The following CFAP36 variants were observed in gnomAD, a reference collection of about 807,000 sequenced individuals.
The protein encoded by CFAP36 is cilia- and flagella-associated protein 36.
In CFAP36, 37 loss-of-function variants were observed where a neutral mutation model predicts 50.5. The ratio of observed to expected loss-of-function variants is 0.73; its 90% confidence interval spans 0.56 to 0.96. CFAP36 has a LOEUF of 0.96. Ranked by LOEUF, CFAP36 falls within the 50% of genes least tolerant of loss-of-function variation. CFAP36 has a pLI of 0.00. For synonymous variants in CFAP36, 138 were observed against 128.2 expected, an observed-to-expected ratio of 1.08 and a Z score of -0.52; for missense variants, 407 against 396.2, an observed-to-expected ratio of 1.03 and a Z score of -0.23.
intron 4 of CFAP36, among the ~76,000 whole-genome samples, chr2:55,530,385 T>C (rs941287710): frequency 1.3e-5 from 2 of 152,174 alleles, no homozygotes; most frequent in Non-Finnish European, 2.9e-5. Context: ...AGCATGAAAA[T>C]GGACTAACAC....
At chr2:55,533,237 T>G (rs574502526) in intron 4 of CFAP36, among the ~76,000 whole-genome samples, 107 of 152,370 alleles carry the variant, frequency 7.0e-4, no homozygotes, top group Middle Eastern at 3.4e-3. Context: ...TTCCGTAGTA[T>G]ATTCTTAGAC....
intron 1 of CFAP36, 47 bp from the exon 2 acceptor site, chr2:55,522,055 A>G (rs776731978): frequency 2.1e-6 from 2 of 972,228 alleles, no homozygotes; most frequent in South Asian, 3.1e-5. Flanking sequence ...TTGCATTAAT[A>G]AAATGATTTG....
At chr2:55,536,607 C>T (rs958588612) in intron 6 of CFAP36, among the ~76,000 whole-genome samples, 3 of 151,902 alleles carry the variant, frequency 2.0e-5, no homozygotes, top group Non-Finnish European at 2.9e-5. Context: ...TGTACCACCA[C>T]GCCCAGCTAA....
At chr2:55,537,103 G>A (rs956985840) in intron 6 of CFAP36, among the ~76,000 whole-genome samples, 2 of 152,150 alleles carry the variant, frequency 1.3e-5, no homozygotes, top group Admixed American at 6.5e-5. Context: ...GAGGCCAGAC[G>A]TGGTGGCTCA....
In CFAP36 at chr2:55,519,779, C is replaced by A. The variant is rs574366687; in HGVS notation, c.-23C>A. ...TCCGGCGGTCTGGCCTAGGGATCTT[C>A]CCCGTTGCCCCTTTGGGGCGGGATG... On this transcript the variant is annotated 5_prime_UTR_variant, in exon 1 of 10. Transcript: ENST00000349456. 1.5e-5 allele frequency: 24 copies of A among 1,613,258 alleles called. No individual in the cohort carries two copies. Among genetic ancestry groups the A allele is most frequent in the Non-Finnish European group, 2.0e-5 (23 of 1,179,292 alleles).
At chr2:55,520,737 A>G (rs910351011) in intron 1 of CFAP36, among the ~76,000 whole-genome samples, 4 of 152,166 alleles carry the variant, frequency 2.6e-5, no homozygotes, top group Non-Finnish European at 4.4e-5. Flanking sequence ...ATCGGGCAAG[A>G]CTTTGAGGGT....
intron 4 of CFAP36, 112 bp downstream of exon 4, chr2:55,529,104 G>T: frequency 1.3e-6 from 1 of 752,218 alleles, no homozygotes; most frequent in East Asian, 2.8e-5. Context: ...TTTCAAGTTT[G>T]AAAGACTTCA....
chr2:55,538,679 G>C, intron 7 of CFAP36: 1 of 1,140,806 alleles, frequency 8.8e-7, no homozygotes, highest in Non-Finnish European at 1.2e-6. Context: ...CTGGCCTCAA[G>C]TGATCCTCCT....
chr2:55,538,314 G>A (rs1232935050), intron 7 of CFAP36, among the ~76,000 whole-genome samples: 2 of 118,922 alleles, frequency 1.7e-5, no homozygotes, highest in Non-Finnish European at 3.5e-5. Flanking sequence ...TTTTTTTTGA[G>A]TCAGAGTTTT....
In CFAP36 at chr2:55,524,422, A is replaced by ATTTT. The variant is rs57908457; in HGVS notation, c.282+622_282+625dup. On this transcript the variant is annotated intron_variant, in intron 3 of 9. Coordinates refer to ENST00000349456, the MANE Select transcript of CFAP36 (RefSeq NM_080667.7). Reference sequence around the variant, plus strand: ...GGTGCCGCACCAGCACACATGGCTAATTTTTTTTTTTTTTTTTTTTTTTTT... The same window carrying ATTTT: ...GGTGCCGCACCAGCACACATGGCTAATTTTTTTTTTTTTTTTTTTTTTTTTTTTT... 2.1e-3 allele frequency among the ~76,000 whole-genome samples: 206 copies of ATTTT among 99,362 alleles called. 2 individuals carry two copies. Among genetic ancestry groups the ATTTT allele is most frequent in the East Asian group, 5.0e-3 (18 of 3,628 alleles). 65.2% of individuals were successfully genotyped at this position (99,362 alleles called of 152,430 possible). A position where few individuals can be genotyped will look rare whatever the true frequency, so the allele number is the denominator to read the frequency against.
intron 1 of CFAP36, chr2:55,520,313 C>G (rs1440074419): frequency 9.9e-6 from 11 of 1,105,870 alleles, no homozygotes; most frequent in Non-Finnish European, 1.4e-5. Flanking sequence ...AGAGGAGAAG[C>G]GTCGGTTTAC....
chr2:55,538,795 G>A (rs1224991734), intron 7 of CFAP36: 8 of 1,544,728 alleles, frequency 5.2e-6, no homozygotes, highest in Admixed American at 2.0e-5. Flanking sequence ...ACTTGTCCAA[G>A]ATCACCGAAC....
intron 3 of CFAP36, 108 bp from the exon 4 acceptor site, chr2:55,528,770 T>C (rs1202689925): frequency 7.9e-6 from 5 of 629,422 alleles, no homozygotes; most frequent in Admixed American, 3.1e-5. Context: ...TAAATAACAA[T>C]GTAGCATTCT....
Position 55,544,017 on chromosome 2 carries a change from A to G in CFAP36, c.720A>G (p.Pro240=). The part of the protein sequence containing the change: ...KVERSETSSL[P]QKDLKIPGLE... ...AAAGGTCTGAAACTTCCTCCCTCCC[A>G]CAAAAAGACCTGAAGATTCCTGGCT... The change falls in exon 8 of 10, where the codon CCA becomes CCG. Residue 240 remains proline (P), a synonymous_variant. Coordinates refer to ENST00000349456, the MANE Select transcript of CFAP36 (RefSeq NM_080667.7). 6.2e-7 allele frequency: 1 copy of G among 1,613,984 alleles called. No individual in the cohort carries two copies. The highest frequency in any genetic ancestry group is 8.5e-7 in the Non-Finnish European group (1 of 1,179,886).
rs779448726 is a variant in CFAP36, at chr2:55,544,254, A to G, written c.812A>G (p.Gln271Arg). 6.2e-7 allele frequency: 1 copy of G among 1,613,870 alleles called. No individual in the cohort carries two copies. Among genetic ancestry groups the G allele is most frequent in the Non-Finnish European group, 8.5e-7 (1 of 1,179,940 alleles). The change falls in exon 9 of 10, where the codon CAA (glutamine) becomes CGA (arginine). Residue 271 changes from glutamine to arginine, a missense_variant. By Grantham distance (43) the Gln-to-Arg change is conservative (BLOSUM62 1). Coordinates refer to ENST00000349456, the MANE Select transcript of CFAP36 (RefSeq NM_080667.7). ...LSVLGTEELR[Q>R]REHYLKQKRD... ...GTACTTGGAACAGAAGAACTTCGGC[A>G]ACGAGAACACTATCTCAAGCAGAAG...
chr2:55,537,053 A>G (rs1053625279), intron 6 of CFAP36, among the ~76,000 whole-genome samples: 1 of 152,152 alleles, frequency 6.6e-6, no homozygotes, highest in African/African-American at 2.4e-5. Flanking sequence ...AAAAGTATAT[A>G]CTTTCTTATA....
chr2:55,527,052 A>G (rs1684227243), intron 3 of CFAP36, among the ~76,000 whole-genome samples: 1 of 152,024 alleles, frequency 6.6e-6, no homozygotes, highest in Admixed American at 6.6e-5. Context: ...TAATAAAATA[A>G]TTTAAATGTT....
rs989073095 is a variant in CFAP36 at position 55,522,025 on chromosome 2, G to A, written c.116-77G>A. The A allele has an allele frequency of 8.5e-6, 6 of 709,592 alleles. No homozygotes were observed. In the Admixed American group the frequency reaches 1.6e-4, roughly 19 times the overall value. 44.0% of individuals were successfully genotyped at this position (709,592 alleles called of 1,614,324 possible). ...AGAGCTAGGTTGACAGTTCTATTTG[G>A]AAGGAGTGGATTTTTAAATTTGCAT... On this transcript the variant is annotated intron_variant, in intron 1 of 9. Coordinates refer to ENST00000349456, the MANE Select transcript of CFAP36 (RefSeq NM_080667.7).
chr2:55,531,469 C>T (rs1455836287), intron 4 of CFAP36, among the ~76,000 whole-genome samples: 1 of 152,074 alleles, frequency 6.6e-6, no homozygotes, highest in Non-Finnish European at 1.5e-5. Context: ...AAAAGATCTC[C>T]CAGAACAAGA....
Sources: gnomAD v4.1 joint callset for allele counts (sites outside exome capture counted in the v4.1 genomes callset) on GRCh38, gnomAD v4.1.1 for gene constraint, MANE v1.5 for transcripts, NCBI Gene and HGNC (gene_info 2026-07-23, HGNC 2026-07-21) for gene names.